Variants in COL22A1 observed in about 807,000 individuals in gnomAD.
COL22A1 encodes the protein collagen type XXII alpha 1 chain, also known as collagen alpha-1(XXII) chain.
A neutral mutation model predicts 248.9 loss-of-function variants in COL22A1; 221 were observed. The ratio of observed to expected loss-of-function variants is 0.89; its 90% CI spans 0.80 to 0.99. COL22A1 has a LOEUF of 0.99. COL22A1 is among the 50% of genes least tolerant of loss of function. The pLI, the probability that COL22A1 is intolerant of heterozygous loss-of-function variation, is 0.00. For missense variants in COL22A1, 2,240 were observed against 2,179.0 expected (o/e 1.03, Z -0.56); for synonymous variants, 891 against 793.4 (o/e 1.12, Z -2.07).
At chr8:138,741,059 A>G (rs1831518079) in intron 22 of COL22A1, among the ~76,000 whole-genome samples, 1 of 152,188 alleles carries the variant, frequency 6.6e-6, no homozygotes. Flanking sequence ...GGTTCACACC[A>G]TCATCTCCTA....
chr8:138,864,066 C>A (rs1822686666), intron 3 of COL22A1, among the ~76,000 whole-genome samples: 1 of 152,146 alleles, frequency 6.6e-6, no homozygotes, highest in Admixed American at 6.5e-5. Flanking sequence ...TGGACCTCCT[C>A]CAGTTTTACT....
intron 32 of COL22A1, among the ~76,000 whole-genome samples, chr8:138,699,515 A>C (rs151269494): frequency 5.3e-5 from 8 of 152,190 alleles, no homozygotes; most frequent in Non-Finnish European, 1.2e-4. Context: ...GAAAACACCT[A>C]TTTTCTGAAG....
intron 10 of COL22A1, among the ~76,000 whole-genome samples, chr8:138,803,794 ATTCTT>A (rs537591884): frequency 2.0e-5 from 3 of 152,156 alleles, no homozygotes; most frequent in South Asian, 2.1e-4. Flanking sequence ...CTTCAATTCT[ATTCTT>A]TTGTCTTTGT....
intron 2 of COL22A1, among the ~76,000 whole-genome samples, chr8:138,881,162 A>C (rs903024440): frequency 6.6e-6 from 1 of 152,080 alleles, no homozygotes; most frequent in Non-Finnish European, 1.5e-5. Flanking sequence ...TTTTGCTTTT[A>C]AATGTGATAA....
At chr8:138,822,217 T>G (rs2131759405) in intron 6 of COL22A1, among the ~76,000 whole-genome samples, 1 of 152,204 alleles carries the variant, frequency 6.6e-6, no homozygotes, top group Non-Finnish European at 1.5e-5. Context: ...ACTCACCTAA[T>G]TTTTGTGATT....
At chr8:138,857,215 C>A (rs1399122394) in intron 3 of COL22A1, among the ~76,000 whole-genome samples, 1 of 152,146 alleles carries the variant, frequency 6.6e-6, no homozygotes. Context: ...GTACCTCCTG[C>A]CCCGGAGACA....
At chr8:138,682,107 G>C (rs1331719178) in intron 39 of COL22A1, among the ~76,000 whole-genome samples, 1 of 152,152 alleles carries the variant, frequency 6.6e-6, no homozygotes, top group Non-Finnish European at 1.5e-5. Flanking sequence ...CGTTTATGTT[G>C]TTGAGATACC....
chr8:138,711,506 C>G (rs1828964133), intron 30 of COL22A1, among the ~76,000 whole-genome samples: 1 of 152,174 alleles, frequency 6.6e-6, no homozygotes, highest in African/African-American at 2.4e-5. Context: ...TCTCGCTAAG[C>G]CTTTGCATTC....
chr8:138,667,558 C>A (rs949010106), intron 41 of COL22A1, among the ~76,000 whole-genome samples: 1 of 152,142 alleles, frequency 6.6e-6, no homozygotes, highest in African/African-American at 2.4e-5. Flanking sequence ...TCTAATTGGT[C>A]CTTTTTGCAA....
chr8:138,661,194 T>G (rs1241366515), intron 43 of COL22A1, among the ~76,000 whole-genome samples: 1 of 152,048 alleles, frequency 6.6e-6, no homozygotes, highest in Non-Finnish European at 1.5e-5. Flanking sequence ...AATACTCCTA[T>G]TAGACTGGCT....
chr8:138,895,051 C>A (rs72731656), intron 1 of COL22A1, among the ~76,000 whole-genome samples: 3 of 116,692 alleles, frequency 2.6e-5, no homozygotes, highest in African/African-American at 6.0e-5. Flanking sequence ...AGAGCAAGAA[C>A]CTTTCTCTTA....
chr8:138,814,826 G>T (rs1196082848), intron 7 of COL22A1, among the ~76,000 whole-genome samples: 1 of 152,126 alleles, frequency 6.6e-6, no homozygotes. Context: ...ACAGCCACAG[G>T]TGTAACTGAT....
chr8:138,711,740 G>C (rs1055694057), intron 30 of COL22A1, among the ~76,000 whole-genome samples: 1 of 152,170 alleles, frequency 6.6e-6, no homozygotes, highest in Non-Finnish European at 1.5e-5. Context: ...CTGGAAATTG[G>C]AGGGGAGAAA....
chr8:138,794,472 A>G (rs7837787), intron 12 of COL22A1, among the ~76,000 whole-genome samples: 44,837 of 151,938 alleles, frequency 0.3, 7,067 homozygotes, highest in African/African-American at 0.39. Flanking sequence ...TGGCTCCTCA[A>G]AAGAAAGATT....
intron 4 of COL22A1, 65 bp downstream of exon 4, chr8:138,844,019 G>A: frequency 1.4e-6 from 2 of 1,400,732 alleles, no homozygotes; most frequent in South Asian, 1.2e-5. Context: ...ATTGACTAGG[G>A]TCATGCTCAG....
intron 3 of COL22A1, among the ~76,000 whole-genome samples, chr8:138,867,806 C>T (rs748946142): frequency 3.3e-5 from 5 of 152,182 alleles, no homozygotes; most frequent in African/African-American, 4.8e-5. Flanking sequence ...CCTACTCTGT[C>T]GCCAGACTGG....
chr8:138,699,933 C>T (rs2130969334), intron 32 of COL22A1, among the ~76,000 whole-genome samples, 179 bp downstream of exon 32: 1 of 152,362 alleles, frequency 6.6e-6, no homozygotes, highest in African/African-American at 2.4e-5. Context: ...GGAGCCAGCT[C>T]CCTGCAAGGC....
At chr8:138,639,965 G>A (rs1351835397) in intron 47 of COL22A1, among the ~76,000 whole-genome samples, 1 of 152,182 alleles carries the variant, frequency 6.6e-6, no homozygotes, top group Admixed American at 6.5e-5. Flanking sequence ...GCAATTACCA[G>A]GTGAATCTAG....
rs77271538 is a variant in COL22A1 at position 138,683,615 on chromosome 8, T to G, written c.3012+810A>C. 1.5e-3 allele frequency among the ~76,000 whole-genome samples: 228 copies of G among 152,264 alleles called. 5 individuals are homozygous for G. In the East Asian group the frequency reaches 0.036, roughly 24 times the overall value. ...TCCTCCCACAGGGTTCTCCACTCTC[T>G]TTTCCTTTACTTATTATTGCACCCC... On this transcript the variant is annotated intron_variant, in intron 39 of 64. Transcript: ENST00000303045.
Sources: gnomAD v4.1 joint callset for allele counts (sites outside exome capture counted in the v4.1 genomes callset) on GRCh38, gnomAD v4.1.1 for gene constraint, MANE v1.5 for transcripts, NCBI Gene and HGNC (gene_info 2026-07-23, HGNC 2026-07-21) for gene names.